Variants in AHR observed in about 807,000 individuals in gnomAD.
AHR encodes AH-receptor.
A neutral mutation model predicts 86.8 loss-of-function variants in AHR; 40 were observed. The ratio of observed to expected loss-of-function variants is 0.46; its 90% CI spans 0.36 to 0.60. AHR has a LOEUF of 0.60. Among genes scored for constraint, AHR ranks in the 20% least tolerant of loss-of-function variants. The pLI, the probability that AHR is intolerant of heterozygous loss-of-function variation, is 0.00. For missense variants in AHR, 1,001 were observed against 1,011.6 expected (o/e 0.99, Z 0.14); for synonymous variants, 398 against 354.9 (o/e 1.12, Z -1.37).
intron 6 of AHR, among the ~76,000 whole-genome samples, chr7:17,331,423 T>G (rs1782287436): frequency 6.6e-6 from 1 of 151,998 alleles, no homozygotes. Flanking sequence ...TTTGACTATC[T>G]TCTATAACTC....
At chr7:17,300,300 C>G (rs1781941628) in intron 1 of AHR, among the ~76,000 whole-genome samples, 1 of 152,146 alleles carries the variant, frequency 6.6e-6, no homozygotes, top group African/African-American at 2.4e-5. Flanking sequence ...TTCTAGATCT[C>G]TGAGTTACTT....
chr7:17,330,853 A>G lies in AHR; in HGVS notation c.672A>G (p.Leu224=), dbSNP rs746319945. ...PLMERCFICR[L]RCLLDNSSGF... ...TGGAGAGGTGCTTCATATGTCGTCT[A>G]AGGTGTCTGCTGGATAATTCATCTG... The change falls in exon 6 of 11, where the codon CTA becomes CTG. Residue 224 remains leucine (L), a synonymous_variant. Coordinates refer to ENST00000242057, the MANE Select transcript of AHR (RefSeq NM_001621.5). 5 of 1,612,346 alleles carry G rather than the reference A, an allele frequency of 3.1e-6. No homozygotes were observed. The East Asian group carries it at 6.7e-5, about 22-fold the overall frequency.
chr7:17,326,881 AT>A (rs1782235847), intron 3 of AHR, among the ~76,000 whole-genome samples: 1 of 152,138 alleles, frequency 6.6e-6, no homozygotes, highest in South Asian at 2.1e-4. Flanking sequence ...CAAGTACCAA[AT>A]TGAACTCAAG....
At chr7:17,305,191 G>A (rs905677658) in intron 1 of AHR, among the ~76,000 whole-genome samples, 2 of 152,134 alleles carry the variant, frequency 1.3e-5, no homozygotes, top group Admixed American at 6.5e-5. Context: ...AGAAGTTTTT[G>A]TAGATGTTTT....
chr7:17,305,081 C>T (rs1445055316), intron 1 of AHR, among the ~76,000 whole-genome samples: 1 of 151,962 alleles, frequency 6.6e-6, no homozygotes, highest in Non-Finnish European at 1.5e-5. Flanking sequence ...GTATAGCAAA[C>T]AAAAGGGAAA....
At chr7:17,312,105 G>A (rs1782071114) in intron 2 of AHR, among the ~76,000 whole-genome samples, 2 of 152,196 alleles carry the variant, frequency 1.3e-5, no homozygotes, top group African/African-American at 4.8e-5. Flanking sequence ...GCTGTAGATT[G>A]TAACTTCAGG....
rs34755662 is a variant in AHR, at chr7:17,345,701, A to G, written c.*2637A>G. ...TATAAAATTAAAAGTTTGAAAAGCA[A>G]TATTGTATATTTTTATCTATATAAA... On this transcript the variant is annotated 3_prime_UTR_variant, in exon 11 of 11. Transcript: ENST00000242057. 7.2e-5 allele frequency: 11 copies of G among 152,640 alleles called. No individual in the cohort carries two copies. In the East Asian group the frequency reaches 1.7e-3, roughly 24 times the overall value. 9.5% of individuals were successfully genotyped at this position (152,640 alleles called of 1,614,324 possible).
At chr7:17,329,928 A>G (rs774972910) in intron 4 of AHR, 24 bp from the exon 5 acceptor site, 3 of 1,590,086 alleles carry the variant, frequency 1.9e-6, no homozygotes, top group Non-Finnish European at 2.6e-6. Flanking sequence ...CTTTTGTTGT[A>G]TTCCTTGTAT....
chr7:17,305,346 C>T (rs968768889), intron 1 of AHR, among the ~76,000 whole-genome samples: 11 of 152,070 alleles, frequency 7.2e-5, no homozygotes, highest in Admixed American at 7.2e-4. Flanking sequence ...GAGATAAATA[C>T]GGATGCACTG....
intron 2 of AHR, among the ~76,000 whole-genome samples, chr7:17,319,237 T>C (rs1197288464): frequency 6.6e-6 from 1 of 152,164 alleles, no homozygotes; most frequent in Non-Finnish European, 1.5e-5. Flanking sequence ...ACCTCTGTCC[T>C]TGATTGTCAG....
chr7:17,331,234 T>G (rs1782285399), intron 6 of AHR, among the ~76,000 whole-genome samples: 1 of 151,912 alleles, frequency 6.6e-6, no homozygotes, highest in Admixed American at 6.6e-5. Flanking sequence ...GTAAATGAAG[T>G]TGCAATTCCT....
intron 6 of AHR, among the ~76,000 whole-genome samples, chr7:17,332,652 G>A (rs929058220): frequency 5.3e-5 from 8 of 151,970 alleles, no homozygotes; most frequent in Non-Finnish European, 1.0e-4. Flanking sequence ...TGTACACTGT[G>A]TTTAAGTGTT....
chr7:17,322,408 C>A, intron 2 of AHR, 93 bp from the exon 3 acceptor site: 1 of 778,056 alleles, frequency 1.3e-6, no homozygotes. Flanking sequence ...GCCAGTATTT[C>A]AAATTGTCTT....
chr7:17,299,180 C>G lies in AHR; in HGVS notation c.-85C>G, dbSNP rs1291346291. The G allele has an allele frequency of 4.9e-6, 7 of 1,434,690 alleles. No homozygotes were observed. Among genetic ancestry groups the G allele is most frequent in the Non-Finnish European group, 6.4e-6 (7 of 1,085,686 alleles). The allele number at this position is 1,434,690 out of a possible 1,614,324, so 88.9% of individuals were successfully genotyped here. On this transcript the variant is annotated 5_prime_UTR_variant, in exon 1 of 11. Transcript: ENST00000242057. ...CGGCTTCGCGGAACCCGGCGCCGGC[C>G]GCCGCAGTGGTCCCAGCCTACACCG...
In AHR at chr7:17,344,368, A is replaced by G. The variant is rs1427371664; in HGVS notation, c.*1304A>G. On this transcript the variant is annotated 3_prime_UTR_variant, in exon 11 of 11. Transcript: ENST00000242057. ...TAAGATATTTGCAGTTTTTCATTTT[A>G]AAAAGTCCATACCTTATATATGCAC... 6.5e-6 allele frequency: 1 copy of G among 152,738 alleles called. No homozygotes were observed. The highest frequency in any genetic ancestry group is 1.5e-5 in the Non-Finnish European group (1 of 68,012). 9.5% of individuals were successfully genotyped at this position (152,738 alleles called of 1,614,324 possible). A position where few individuals can be genotyped will look rare whatever the true frequency, so the allele number is the denominator to read the frequency against.
intron 1 of AHR, among the ~76,000 whole-genome samples, chr7:17,307,120 T>C (rs189052747): frequency 0.011 from 1,609 of 151,778 alleles, 32 homozygotes; most frequent in African/African-American, 0.036. Context: ...AGGCTGAATA[T>C]TGCAAAGAGC....
chr7:17,337,521 C>T (rs1377373438), intron 9 of AHR, among the ~76,000 whole-genome samples: 2 of 147,946 alleles, frequency 1.4e-5, no homozygotes, highest in Non-Finnish European at 3.0e-5. Context: ...GTCGCCCAGG[C>T]TGGAGTGCAG....
chr7:17,301,081 TTATAA>T (rs528147963), intron 1 of AHR, among the ~76,000 whole-genome samples: 134 of 152,254 alleles, frequency 8.8e-4, no homozygotes, highest in African/African-American at 2.9e-3. Context: ...TATTAATTTC[TTATAA>T]TATAACAAAA....
chr7:17,344,571 C>T lies in AHR; in HGVS notation c.*1507C>T, dbSNP rs1782461660. 1 of 151,928 alleles carries T rather than the reference C, an allele frequency of 6.6e-6. No individual in the cohort carries two copies. The highest frequency in any genetic ancestry group is 6.6e-5 in the Admixed American group (1 of 15,208). The allele number at this position is 151,928 out of a possible 1,614,324, so 9.4% of individuals were successfully genotyped here. A position where few individuals can be genotyped will look rare whatever the true frequency, so the allele number is the denominator to read the frequency against. On this transcript the variant is annotated 3_prime_UTR_variant, in exon 11 of 11. Transcript: ENST00000242057. ...CATTACCAATAGGCAAATTAATCAC[C>T]CTACCAACTTTACTGTCCTAACATG...
Sources: gnomAD v4.1 joint callset for allele counts (sites outside exome capture counted in the v4.1 genomes callset) on GRCh38, gnomAD v4.1.1 for gene constraint, MANE v1.5 for transcripts, NCBI Gene and HGNC (gene_info 2026-07-23, HGNC 2026-07-21) for gene names.